Variants in MED13 observed in about 807,000 individuals in gnomAD.
MED13 encodes mediator complex subunit 13, also known as mediator of RNA polymerase II transcription subunit 13.
MED13 carries 23 observed loss-of-function variants against 225.2 expected under a neutral mutation model. The observed-to-expected ratio is 0.10, with a 90% CI of 0.07 to 0.14. The LOEUF is 0.14. Among genes scored for constraint, MED13 ranks in the 10% least tolerant of loss-of-function variants. The probability of loss-of-function intolerance (pLI) is 1.00; values close to 1 mark genes in which losing one functional copy is unlikely to be tolerated. For missense variants in MED13, 2,197 were observed against 2,594.5 expected (o/e 0.85, Z 3.33); for synonymous variants, 942 against 889.2 (o/e 1.06, Z -1.06).
In MED13 at chr17:62,028,771, G is replaced by A. The variant is rs1486241700; in HGVS notation, c.1283+770C>T. ...GAGGCAGGAGAATGGCGTGAACCCG[G>A]GAGGTGGAGCTTGCAGTGAGCCGAG... On this transcript the variant is annotated intron_variant, in intron 8 of 29. Transcript: ENST00000397786. Among the ~76,000 whole-genome samples, 3 of 151,912 alleles carry A rather than the reference G, an allele frequency of 2.0e-5. No individual in the cohort carries two copies. In the East Asian group the frequency reaches 5.8e-4, roughly 29 times the overall value.
At chr17:61,983,628 T>C (rs945243313) in intron 15 of MED13, among the ~76,000 whole-genome samples, 4 of 151,990 alleles carry the variant, frequency 2.6e-5, no homozygotes, top group Non-Finnish European at 2.9e-5. Context: ...AATGTAAAAA[T>C]GGGAGCAATT....
At chr17:62,031,009 TAA>T (rs2080750366) in intron 6 of MED13, 1 of 152,570 alleles carries the variant, frequency 6.6e-6, no homozygotes, top group African/African-American at 2.4e-5. Context: ...TAATTATAGA[TAA>T]ACACATAAAC....
At chr17:62,005,392 G>T (rs1485532015) in intron 9 of MED13, 1 of 152,064 alleles carries the variant, frequency 6.6e-6, no homozygotes, top group Non-Finnish European at 1.5e-5. Flanking sequence ...GATCACTTGA[G>T]ATCAGGAGTT....
intron 2 of MED13, among the ~76,000 whole-genome samples, chr17:62,060,292 C>T (rs79211489): frequency 1.3e-5 from 2 of 148,516 alleles, no homozygotes; most frequent in South Asian, 4.3e-4. Context: ...GACTCCATCT[C>T]AAAAAAAAAG....
At chr17:61,971,246 A>C (rs536231817) in intron 17 of MED13, among the ~76,000 whole-genome samples, 1 of 151,932 alleles carries the variant, frequency 6.6e-6, no homozygotes, top group Admixed American at 6.6e-5. Flanking sequence ...AAATCAGTTA[A>C]GGTACAGAAA....
intron 9 of MED13, among the ~76,000 whole-genome samples, chr17:62,008,185 G>A (rs2080471639): frequency 6.6e-6 from 1 of 151,342 alleles, no homozygotes; most frequent in Non-Finnish European, 1.5e-5. Context: ...CAGGAGTGGT[G>A]GTGGGCGCCT....
intron 8 of MED13, among the ~76,000 whole-genome samples, chr17:62,021,859 T>TA (rs1353439011): frequency 2.6e-5 from 4 of 152,120 alleles, no homozygotes; most frequent in Non-Finnish European, 5.9e-5. Context: ...CATTCAAATT[T>TA]AAAAAGGATT....
Position 62,049,078 on chromosome 17 carries a change from C to CAAAAAAAAAA in MED13, c.470+3449_470+3458dup, listed in dbSNP as rs890393330. Among the ~76,000 whole-genome samples the CAAAAAAAAAA allele has an allele frequency of 2.0e-3, 90 of 45,284 alleles. 2 individuals are homozygous for CAAAAAAAAAA. Among genetic ancestry groups the CAAAAAAAAAA allele is most frequent in the African/African-American group, 6.9e-3 (79 of 11,490 alleles). 29.7% of individuals were successfully genotyped at this position (45,284 alleles called of 152,430 possible). A position where few individuals can be genotyped will look rare whatever the true frequency, so the allele number is the denominator to read the frequency against. ...GGCACCACCATAACAGTAAATAAGACAAAAAAAAAAAAAAAAAGGAGAAAT... is the reference window on the plus strand; with the variant it reads ...GGCACCACCATAACAGTAAATAAGACAAAAAAAAAAAAAAAAAAAAAAAAAAAGGAGAAAT... On this transcript the variant is annotated intron_variant, in intron 3 of 29. Coordinates refer to ENST00000397786, the MANE Select transcript of MED13 (RefSeq NM_005121.3).
chr17:62,033,200 T>G (rs1243888341), intron 5 of MED13, among the ~76,000 whole-genome samples: 2 of 152,052 alleles, frequency 1.3e-5, no homozygotes, highest in Non-Finnish European at 2.9e-5. Context: ...TATAAAAAAA[T>G]CTGACCCTTT....
At chr17:62,016,469 G>A (rs558216498) in intron 8 of MED13, among the ~76,000 whole-genome samples, 1 of 152,210 alleles carries the variant, frequency 6.6e-6, no homozygotes, top group African/African-American at 2.4e-5. Flanking sequence ...CATCTTTTCT[G>A]TATCTTCCAG....
chr17:62,060,779 A>G (rs767507776), intron 2 of MED13, among the ~76,000 whole-genome samples: 7 of 151,372 alleles, frequency 4.6e-5, no homozygotes, highest in Non-Finnish European at 1.0e-4. Context: ...GGCTCACTGC[A>G]ACCTCCGCCT....
chr17:62,059,142 A>G (rs1324855297), intron 2 of MED13, among the ~76,000 whole-genome samples: 1 of 152,228 alleles, frequency 6.6e-6, no homozygotes, highest in Admixed American at 6.5e-5. Flanking sequence ...ATGAGATCCT[A>G]GAAAAGAAAA....
At position 62,063,174 on chromosome 17, in the gene MED13, A is replaced by ACAT; in HGVS notation, c.191_193dup (p.Asp64dup). On this transcript the variant is annotated inframe_insertion, in exon 2 of 30. Coordinates refer to ENST00000397786, the MANE Select transcript of MED13 (RefSeq NM_005121.3). ...TTGATCTCGCCGCCAAACACCAAGTACATCTGCCTTAAGGCAGCGACTAAA... is the reference window on the plus strand; with the variant it reads ...TTGATCTCGCCGCCAAACACCAAGTACATCATCTGCCTTAAGGCAGCGACTAAA... 6.2e-7 allele frequency: 1 copy of ACAT among 1,614,192 alleles called. No homozygotes were observed. The highest frequency in any genetic ancestry group is 1.3e-5 in the African/African-American group (1 of 75,064).
At chr17:61,964,896 A>T in intron 20 of MED13, 110 bp downstream of exon 20, 1 of 1,008,824 alleles carries the variant, frequency 9.9e-7, no homozygotes. Flanking sequence ...AGATCCCACC[A>T]CTGCAGTACA....
At chr17:62,052,095 AT>A in intron 3 of MED13, among the ~76,000 whole-genome samples, 1 of 152,134 alleles carries the variant, frequency 6.6e-6, no homozygotes, top group South Asian at 2.1e-4. Context: ...AATTACTTTA[AT>A]TAAAGGGAAT....
intron 3 of MED13, among the ~76,000 whole-genome samples, chr17:62,038,488 G>A (rs555709762): frequency 2.0e-5 from 3 of 151,346 alleles, no homozygotes; most frequent in Non-Finnish European, 4.4e-5. Flanking sequence ...TATTTTAAAA[G>A]CATTTTTAAC....
intron 1 of MED13, 69 bp downstream of exon 1, chr17:62,065,071 C>A: frequency 7.2e-7 from 1 of 1,396,508 alleles, no homozygotes; most frequent in East Asian, 3.0e-5. Flanking sequence ...GACCCGGCCC[C>A]CTCCCCCACG....
intron 7 of MED13, 90 bp downstream of exon 7, chr17:62,029,761 C>G (rs951934210): frequency 6.6e-7 from 1 of 1,511,358 alleles, no homozygotes. Flanking sequence ...AAAGAAAAAT[C>G]AAACAAATGA....
At chr17:62,007,156 G>C (rs1282327316) in intron 9 of MED13, 1 of 152,360 alleles carries the variant, frequency 6.6e-6, no homozygotes, top group Non-Finnish European at 1.5e-5. Flanking sequence ...CAGAAGGGCT[G>C]CTTGGACCTG....
Sources: gnomAD v4.1 joint callset for allele counts (sites outside exome capture counted in the v4.1 genomes callset) on GRCh38, gnomAD v4.1.1 for gene constraint, MANE v1.5 for transcripts, NCBI Gene and HGNC (gene_info 2026-07-23, HGNC 2026-07-21) for gene names.